The following AGBL4 variants were observed in gnomAD, a reference collection of about 807,000 sequenced individuals.
AGBL4 encodes the protein AGBL carboxypeptidase 4, also known as cytosolic carboxypeptidase 6.
Under a neutral mutation model 66.4 loss-of-function variants are expected in AGBL4, and 58 were observed. The ratio of observed to expected loss-of-function variants is 0.87; its 90% CI spans 0.71 to 1.09. AGBL4 has a LOEUF of 1.09. Ranked by LOEUF, AGBL4 falls within the 50% of genes least tolerant of loss-of-function variation. The probability of loss-of-function intolerance (pLI) is 0.00; values close to 1 mark genes in which losing one functional copy is unlikely to be tolerated. For missense variants in AGBL4, 579 were observed against 631.0 expected (o/e 0.92, Z 0.88); for synonymous variants, 234 against 222.9 (o/e 1.05, Z -0.44).
intron 6 of AGBL4, among the ~76,000 whole-genome samples, chr1:48,720,553 T>C (rs944784912): frequency 2.0e-5 from 3 of 152,226 alleles, no homozygotes; most frequent in Admixed American, 2.0e-4. Context: ...TTTCCTCATT[T>C]GTGAAATGCA....
In AGBL4 at chr1:49,158,692, G is replaced by A. The variant is rs1039417216; in HGVS notation, c.377+87078C>T. Reference sequence around the variant, plus strand: ...TGTTAAAGTCCTCCACTATTATTCTGTGGGAGTCTAAGTCTCTTTGTAGGT... The same window carrying A: ...TGTTAAAGTCCTCCACTATTATTCTATGGGAGTCTAAGTCTCTTTGTAGGT... On this transcript the variant is annotated intron_variant, in intron 4 of 13. Transcript: ENST00000371839. Among the ~76,000 whole-genome samples, 4 of 152,048 alleles carry A rather than the reference G, an allele frequency of 2.6e-5. No homozygotes were observed. The East Asian group carries it at 7.8e-4, about 29-fold the overall frequency.
chr1:49,680,842 T>G (rs1356806139), intron 3 of AGBL4, among the ~76,000 whole-genome samples: 1 of 152,128 alleles, frequency 6.6e-6, no homozygotes, highest in African/African-American at 2.4e-5. Context: ...TTCAATAACA[T>G]GAATTTAGAT....
chr1:49,048,101 A>C (rs6672750), intron 4 of AGBL4, among the ~76,000 whole-genome samples: 1 of 151,882 alleles, frequency 6.6e-6, no homozygotes, highest in Non-Finnish European at 1.5e-5. Context: ...TTCCAGCCAA[A>C]GGTCTGTGAT....
At chr1:49,245,715 G>C (rs1651587174) in intron 4 of AGBL4, 55 bp downstream of exon 4, 2 of 1,330,538 alleles carry the variant, frequency 1.5e-6, no homozygotes, top group East Asian at 5.0e-5. Context: ...TATATGTATG[G>C]GGTCTGGGAC....
chr1:49,583,715 A>T (rs1407171291), intron 3 of AGBL4, among the ~76,000 whole-genome samples: 1 of 151,920 alleles, frequency 6.6e-6, no homozygotes, highest in African/African-American at 2.4e-5. Context: ...GTTGAGAGTT[A>T]AAAAAAACAA....
intron 2 of AGBL4, among the ~76,000 whole-genome samples, chr1:49,771,154 T>C (rs1189277959): frequency 6.6e-6 from 1 of 152,128 alleles, no homozygotes; most frequent in Admixed American, 6.5e-5. Flanking sequence ...AACTTCCCTA[T>C]TAGAACTGCT....
chr1:49,877,341 C>A (rs929319724), intron 1 of AGBL4, among the ~76,000 whole-genome samples: 2 of 151,856 alleles, frequency 1.3e-5, no homozygotes, highest in Non-Finnish European at 2.9e-5. Context: ...CCATCAATAC[C>A]TAATTTATTG....
At chr1:48,757,990 T>C (rs1274834590) in intron 6 of AGBL4, among the ~76,000 whole-genome samples, 1 of 152,212 alleles carries the variant, frequency 6.6e-6, no homozygotes, top group African/African-American at 2.4e-5. Context: ...AGCATTTTTC[T>C]GTCTTTTTCT....
intron 10 of AGBL4, 43 bp downstream of exon 10, chr1:48,590,790 G>A: frequency 6.4e-7 from 1 of 1,556,996 alleles, no homozygotes. Flanking sequence ...GGGAGGCAGG[G>A]TGTGGGGGGC....
intron 1 of AGBL4, among the ~76,000 whole-genome samples, chr1:49,897,116 T>C (rs1291939954): frequency 1.3e-5 from 2 of 152,062 alleles, no homozygotes. Context: ...ACTAGAGAAA[T>C]CAAATAACAG....
At chr1:49,834,367 C>A (rs769579495) in intron 2 of AGBL4, among the ~76,000 whole-genome samples, 3 of 152,112 alleles carry the variant, frequency 2.0e-5, no homozygotes, top group Non-Finnish European at 4.4e-5. Context: ...AATTTATTTG[C>A]GAAGAAGTGT....
intron 3 of AGBL4, among the ~76,000 whole-genome samples, chr1:49,544,428 T>G (rs1402780509): frequency 6.6e-6 from 1 of 152,224 alleles, no homozygotes; most frequent in Non-Finnish European, 1.5e-5. Context: ...TTTTGTATAT[T>G]CTTCTGTTAT....
chr1:48,963,917 G>A (rs1448083044), intron 5 of AGBL4, among the ~76,000 whole-genome samples: 1 of 152,140 alleles, frequency 6.6e-6, no homozygotes, highest in African/African-American at 2.4e-5. Context: ...AACACTCACT[G>A]GGTATTTACT....
At position 49,619,225 on chromosome 1, in the gene AGBL4, G is replaced by A. The variant is rs551025582; in HGVS notation, c.282+78088C>T. ...GATAATATATTTAGAAAACTCCATCGTCTCAGCCAAAAATCTTCTTAAGCT... is the reference window on the plus strand; with the variant it reads ...GATAATATATTTAGAAAACTCCATCATCTCAGCCAAAAATCTTCTTAAGCT... On this transcript the variant is annotated intron_variant, in intron 3 of 13. Transcript: ENST00000371839. 3.9e-5 allele frequency among the ~76,000 whole-genome samples: 6 copies of A among 152,250 alleles called. No homozygotes were observed. In the South Asian group the frequency reaches 6.2e-4, roughly 16 times the overall value.
chr1:49,607,925 G>A (rs1645088328), intron 3 of AGBL4, among the ~76,000 whole-genome samples: 1 of 152,098 alleles, frequency 6.6e-6, no homozygotes, highest in Non-Finnish European at 1.5e-5. Flanking sequence ...AGTGTTTAAG[G>A]GAATCAGTAG....
intron 5 of AGBL4, among the ~76,000 whole-genome samples, chr1:49,041,820 A>G (rs1643950096): frequency 6.6e-6 from 1 of 152,120 alleles, no homozygotes; most frequent in Admixed American, 6.6e-5. Context: ...CTAATCTTCC[A>G]GTAGCCCCAT....
chr1:49,524,354 A>G (rs1400642501), intron 3 of AGBL4, among the ~76,000 whole-genome samples: 1 of 152,120 alleles, frequency 6.6e-6, no homozygotes, highest in African/African-American at 2.4e-5. Flanking sequence ...CCAAGTACAC[A>G]CAGCTAGCAG....
intron 9 of AGBL4, among the ~76,000 whole-genome samples, chr1:48,617,812 C>G (rs987051022): frequency 1.4e-4 from 21 of 152,170 alleles, no homozygotes; most frequent in Admixed American, 6.5e-5. Flanking sequence ...TCTGCTCTAC[C>G]CTTCATTCCC....
intron 5 of AGBL4, among the ~76,000 whole-genome samples, chr1:48,927,139 C>G (rs1293075050): frequency 6.6e-6 from 1 of 152,128 alleles, no homozygotes; most frequent in Non-Finnish European, 1.5e-5. Context: ...CCACAAGGAA[C>G]AGGGAAGCCT....
Sources: allele counts gnomAD v4.1 joint callset (sites outside exome capture counted in the v4.1 genomes callset), GRCh38; gene constraint gnomAD v4.1.1; transcripts MANE v1.5; gene names NCBI Gene and HGNC (gene_info 2026-07-23, HGNC 2026-07-21).